Variants in SRBD1 observed in about 807,000 individuals in gnomAD.
The protein encoded by SRBD1 is S1 RNA-binding domain-containing protein 1.
A neutral mutation model predicts 115.3 loss-of-function variants in SRBD1; 88 were observed. That is an observed-to-expected ratio of 0.76 (90% CI 0.64 to 0.91). The LOEUF (loss-of-function observed/expected upper bound fraction) is 0.91. Ranked by LOEUF, SRBD1 falls within the 40% of genes least tolerant of loss-of-function variation. The pLI, the probability that SRBD1 is intolerant of heterozygous loss-of-function variation, is 0.00. For synonymous variants in SRBD1, 509 were observed against 407.7 expected (o/e 1.25, Z -2.99); for missense variants, 1,385 against 1,177.4 (o/e 1.18, Z -2.58).
At chr2:45,512,461 T>G (rs907758216) in intron 14 of SRBD1, among the ~76,000 whole-genome samples, 3 of 152,206 alleles carry the variant, frequency 2.0e-5, no homozygotes, top group Non-Finnish European at 4.4e-5. Context: ...TACTAAATTG[T>G]ACTTATCTGT....
chr2:45,527,356 T>C (rs1010630807), intron 14 of SRBD1, among the ~76,000 whole-genome samples: 3 of 151,832 alleles, frequency 2.0e-5, no homozygotes, highest in Non-Finnish European at 2.9e-5. Flanking sequence ...GGCGGCTATA[T>C]ATTAAATGTT....
In SRBD1 at chr2:45,581,704, G is replaced by C. The variant is rs771325356; in HGVS notation, c.922C>G (p.Leu308Val). ...AAAGGATTCCTTACCACGTGTTCTA[G>C]TTCTTCAAAAGTTTTACAATTCAGC... Reference protein sequence around the residue: ...AMLNCKTFEELEHVSAPYKTG... With the variant: ...AMLNCKTFEEVEHVSAPYKTG... Residue 308 changes from leucine (L) to valine (V), a missense_variant, in exon 6 of 21, where the codon CTA becomes GTA. Physicochemically the swap from Leu to Val is conservative, Grantham distance 32. Transcript: ENST00000263736. The C allele has an allele frequency of 6.2e-7, 1 of 1,612,220 alleles. No homozygotes were observed. The highest frequency in any genetic ancestry group is 1.1e-5 in the South Asian group (1 of 90,878).
intron 16 of SRBD1, among the ~76,000 whole-genome samples, chr2:45,445,480 G>T (rs1413104303): frequency 7.0e-6 from 1 of 142,540 alleles, no homozygotes; most frequent in Non-Finnish European, 1.5e-5. Flanking sequence ...TACTACATAG[G>T]TTAGGGGTCA....
intron 15 of SRBD1, among the ~76,000 whole-genome samples, chr2:45,483,249 A>T (rs758769820): frequency 1.3e-5 from 2 of 152,140 alleles, no homozygotes; most frequent in South Asian, 4.1e-4. Context: ...ATGGTAACAT[A>T]GGTCAATGTA....
At chr2:45,512,482 CT>C (rs1431462937) in intron 14 of SRBD1, among the ~76,000 whole-genome samples, 1 of 152,138 alleles carries the variant, frequency 6.6e-6, no homozygotes, top group Non-Finnish European at 1.5e-5. Context: ...TGAAGAGATA[CT>C]TTTAAATTCC....
At chr2:45,578,117 C>A (rs1009861938) in intron 7 of SRBD1, among the ~76,000 whole-genome samples, 6 of 151,894 alleles carry the variant, frequency 4.0e-5, no homozygotes, top group African/African-American at 1.5e-4. Context: ...GACCTTGGTA[C>A]CAAAGGTAGT....
chr2:45,389,521 A>G lies in SRBD1; in HGVS notation c.2777T>C (p.Val926Ala). 6.2e-7 allele frequency: 1 copy of G among 1,614,098 alleles called. No homozygotes were observed. The highest frequency in any genetic ancestry group is 1.1e-5 in the South Asian group (1 of 91,076). ...AATTCCAAAGAGAGTGGCATTCTCA[A>G]CTTTGCCTGTAAGAACTGTCCCAAT... Reference protein sequence around the residue: ...LQIGTVLTGKVENATLFGIFV... With the variant: ...LQIGTVLTGKAENATLFGIFV... The change falls in exon 21 of 21, where the codon GTT becomes GCT. Residue 926 changes from valine (V) to alanine (A), a missense_variant. Transcript: ENST00000263736.
intron 5 of SRBD1, 70 bp downstream of exon 5, chr2:45,585,538 T>G: frequency 6.7e-7 from 1 of 1,481,540 alleles, no homozygotes; most frequent in Non-Finnish European, 9.2e-7. Flanking sequence ...TATACCGTCA[T>G]TCACTTTCTC....
At chr2:45,394,567 G>A (rs1438250486) in intron 19 of SRBD1, among the ~76,000 whole-genome samples, 1 of 152,176 alleles carries the variant, frequency 6.6e-6, no homozygotes, top group African/African-American at 2.4e-5. Flanking sequence ...GCAGGTTGCT[G>A]CACTATCAAA....
intron 16 of SRBD1, among the ~76,000 whole-genome samples, chr2:45,470,537 T>A (rs1047774996): frequency 6.6e-6 from 1 of 152,172 alleles, no homozygotes; most frequent in Non-Finnish European, 1.5e-5. Flanking sequence ...TGTGTGTTCA[T>A]TACCAAATGG....
In SRBD1 at chr2:45,602,081, G is replaced by A. The variant is rs780579157; in HGVS notation, c.83C>T (p.Ser28Leu). 6.2e-7 allele frequency: 1 copy of A among 1,609,058 alleles called. No homozygotes were observed. Among genetic ancestry groups the A allele is most frequent in the East Asian group, 2.2e-5 (1 of 44,852 alleles). The change falls in exon 3 of 21, where the codon TCA becomes TTA. Residue 28 changes from serine (S) to leucine (L), a missense_variant and splice_region_variant. Transcript: ENST00000263736. Reference protein sequence around the residue: ...KDEFSSFSELSSASEEDDKED... With the variant: ...KDEFSSFSELLSASEEDDKED... ...CTTGTCATCTTCTTCAGAGGCAGAT[G>A]ATCTAGAAGTAAATCAACAGAATAA... is the stretch of plus-strand genomic sequence containing the variant.
chr2:45,514,449 A>T (rs1187552971), intron 14 of SRBD1, among the ~76,000 whole-genome samples: 3 of 152,160 alleles, frequency 2.0e-5, no homozygotes, highest in Non-Finnish European at 4.4e-5. Flanking sequence ...GTGACAACTT[A>T]TCTATGAAAA....
chr2:45,492,610 T>C (rs1670332515), intron 14 of SRBD1, among the ~76,000 whole-genome samples: 2 of 152,158 alleles, frequency 1.3e-5, no homozygotes, highest in African/African-American at 4.8e-5. Flanking sequence ...GGCTAATTTT[T>C]TGTATTTTGT....
At chr2:45,420,461 C>G (rs182747985) in intron 16 of SRBD1, among the ~76,000 whole-genome samples, 85 of 152,274 alleles carry the variant, frequency 5.6e-4, no homozygotes, top group Non-Finnish European at 6.8e-4. Flanking sequence ...TTTTATATAC[C>G]ACTAAGGAAG....
intron 16 of SRBD1, among the ~76,000 whole-genome samples, chr2:45,443,804 T>TG (rs1553333095): frequency 9.1e-5 from 6 of 66,012 alleles, no homozygotes; most frequent in South Asian, 4.4e-4. Context: ...GAAGTTATTT[T>TG]GAAAAAAAAA....
At chr2:45,457,597 C>A (rs1310295290) in intron 16 of SRBD1, among the ~76,000 whole-genome samples, 2 of 151,986 alleles carry the variant, frequency 1.3e-5, no homozygotes, top group Non-Finnish European at 2.9e-5. Flanking sequence ...TTGATACTAA[C>A]TGCAATTAAA....
intron 19 of SRBD1, among the ~76,000 whole-genome samples, chr2:45,404,469 C>T (rs925922033): frequency 3.9e-5 from 6 of 152,140 alleles, no homozygotes; most frequent in African/African-American, 1.4e-4. Flanking sequence ...TCATCCTCCA[C>T]AGTGTCTCTA....
intron 14 of SRBD1, among the ~76,000 whole-genome samples, chr2:45,512,608 T>C (rs1466402272): frequency 1.3e-5 from 2 of 152,168 alleles, no homozygotes; most frequent in East Asian, 1.9e-4. Context: ...AAGACAATCA[T>C]TGTGCTTTAC....
In SRBD1 at chr2:45,437,883, A is replaced by C. The variant is rs183062745; in HGVS notation, c.2050-17989T>G. 3.8e-3 allele frequency among the ~76,000 whole-genome samples: 581 copies of C among 152,382 alleles called. 5 individuals carry two copies. Among genetic ancestry groups the C allele is most frequent in the African/African-American group, 0.013 (531 of 41,588 alleles). ...TTTTTAGATACAACAATAAAGGCACAATTCATAATAGAAATAATTGATATG... is the reference window on the plus strand; with the variant it reads ...TTTTTAGATACAACAATAAAGGCACCATTCATAATAGAAATAATTGATATG... On this transcript the variant is annotated intron_variant, in intron 16 of 20. Coordinates refer to ENST00000263736, the MANE Select transcript of SRBD1 (RefSeq NM_018079.5).
Sources: gnomAD v4.1 joint callset for allele counts (sites outside exome capture counted in the v4.1 genomes callset) on GRCh38, gnomAD v4.1.1 for gene constraint, MANE v1.5 for transcripts, NCBI Gene and HGNC (gene_info 2026-07-23, HGNC 2026-07-21) for gene names.